Variants in DGLUCY observed in about 807,000 individuals in gnomAD.
DGLUCY encodes D-glutamate cyclase.
In DGLUCY, 58 loss-of-function variants were observed where a neutral mutation model predicts 58.5. That is an observed-to-expected ratio of 0.99 (90% CI 0.80 to 1.23). The LOEUF (loss-of-function observed/expected upper bound fraction) is 1.23. Among genes scored for constraint, DGLUCY ranks in the 50% most tolerant of loss-of-function variants. DGLUCY has a pLI of 0.00. For synonymous variants in DGLUCY, 325 were observed against 314.1 expected (o/e 1.03, Z -0.37); for missense variants, 779 against 784.7 (o/e 0.99, Z 0.09).
At chr14:91,075,054 A>G (rs1300202826) in intron 1 of DGLUCY, among the ~76,000 whole-genome samples, 1 of 151,176 alleles carries the variant, frequency 6.6e-6, no homozygotes, top group Non-Finnish European at 1.5e-5. Context: ...CGTGGGCAAC[A>G]AGAGAGAAAC....
At chr14:91,089,543 C>T (rs965058466) in intron 1 of DGLUCY, among the ~76,000 whole-genome samples, 2 of 152,070 alleles carry the variant, frequency 1.3e-5, no homozygotes, top group African/African-American at 4.8e-5. Context: ...AAGGGGTGGC[C>T]GGGCACAGTA....
intron 1 of DGLUCY, among the ~76,000 whole-genome samples, chr14:91,090,096 C>T (rs1182607203): frequency 6.6e-6 from 1 of 152,152 alleles, no homozygotes; most frequent in Non-Finnish European, 1.5e-5. Context: ...ATCTGGCTGG[C>T]GGCTGCAGAA....
chr14:91,119,596 A>C (rs556364567), intron 1 of DGLUCY, among the ~76,000 whole-genome samples: 1 of 151,970 alleles, frequency 6.6e-6, no homozygotes, highest in South Asian at 2.1e-4. Context: ...TCTGTGTTCC[A>C]CCCACAGCCC....
chr14:91,094,246 C>A (rs2044357555), intron 1 of DGLUCY, among the ~76,000 whole-genome samples: 1 of 151,682 alleles, frequency 6.6e-6, no homozygotes, highest in East Asian at 1.9e-4. Context: ...ACCAGCCTAG[C>A]CAATATGGTG....
chr14:91,208,081 G>T (rs1885064277), intron 12 of DGLUCY, among the ~76,000 whole-genome samples: 1 of 152,140 alleles, frequency 6.6e-6, no homozygotes, highest in Non-Finnish European at 1.5e-5. Context: ...ACTATTTAAA[G>T]TATTGAGAGG....
intron 1 of DGLUCY, among the ~76,000 whole-genome samples, chr14:91,134,791 C>T (rs1280138829): frequency 1.3e-5 from 2 of 152,224 alleles, no homozygotes; most frequent in East Asian, 3.9e-4. Flanking sequence ...TTGACTTTTA[C>T]ATATTGATTT....
At chr14:91,170,869 A>T (rs894634782) in intron 5 of DGLUCY, among the ~76,000 whole-genome samples, 1 of 152,168 alleles carries the variant, frequency 6.6e-6, no homozygotes, top group African/African-American at 2.4e-5. Context: ...TTCTTTATTT[A>T]TGGAGGACTT....
At chr14:91,117,126 G>T (rs2045015223) in intron 1 of DGLUCY, among the ~76,000 whole-genome samples, 1 of 152,182 alleles carries the variant, frequency 6.6e-6, no homozygotes, top group Non-Finnish European at 1.5e-5. Flanking sequence ...ACAAAATAAG[G>T]TAATTTCCAG....
At chr14:91,139,556 G>A (rs1406630722) in intron 1 of DGLUCY, among the ~76,000 whole-genome samples, 1 of 152,150 alleles carries the variant, frequency 6.6e-6, no homozygotes, top group African/African-American at 2.4e-5. Context: ...GTGGTGGCTT[G>A]TGCCTATAAT....
intron 1 of DGLUCY, among the ~76,000 whole-genome samples, chr14:91,083,841 A>T (rs943826503): frequency 6.6e-6 from 1 of 151,978 alleles, no homozygotes; most frequent in Non-Finnish European, 1.5e-5. Context: ...AGTCACTTTC[A>T]TGGCCCCCAA....
At chr14:91,123,738 C>T (rs562500703) in intron 1 of DGLUCY, among the ~76,000 whole-genome samples, 42 of 152,082 alleles carry the variant, frequency 2.8e-4, no homozygotes, top group South Asian at 8.3e-4. Context: ...AGGTGTGCAC[C>T]GCCACAGCCA....
At chr14:91,075,740 AG>A (rs1224180683) in intron 1 of DGLUCY, among the ~76,000 whole-genome samples, 1 of 146,228 alleles carries the variant, frequency 6.8e-6, no homozygotes, top group Non-Finnish European at 1.5e-5. Flanking sequence ...AATCAGCACT[AG>A]CCCGGGTGGT....
intron 1 of DGLUCY, among the ~76,000 whole-genome samples, chr14:91,120,677 C>T (rs2045302467): frequency 6.6e-6 from 1 of 152,202 alleles, no homozygotes. Context: ...TCCCAAAGTG[C>T]TGGGATTACA....
At position 91,060,341 on chromosome 14, in the gene DGLUCY, G is replaced by A. The variant is rs752203024; in HGVS notation, c.-445G>A. The A allele has an allele frequency of 2.8e-6, 4 of 1,414,460 alleles. No individual in the cohort carries two copies. In the Admixed American group the frequency reaches 7.2e-5, roughly 26 times the overall value. 87.6% of individuals were successfully genotyped at this position (1,414,460 alleles called of 1,614,324 possible). On this transcript the variant is annotated 5_prime_UTR_variant, in exon 1 of 5. Transcript: ENST00000521334. ...GGGCGGGGTCGCTCACCAGTCCGCAGCTCGTGCTTGACAGTGAGGAGCTGC... is the reference window on the plus strand; with the variant it reads ...GGGCGGGGTCGCTCACCAGTCCGCAACTCGTGCTTGACAGTGAGGAGCTGC...
intron 8 of DGLUCY, among the ~76,000 whole-genome samples, chr14:91,182,874 T>A: frequency 6.6e-6 from 1 of 152,010 alleles, no homozygotes; most frequent in East Asian, 1.9e-4. Flanking sequence ...TGGGATCCCC[T>A]AGGGGACCTG....
chr14:91,185,271 A>ATTTTTT (rs35639010), intron 8 of DGLUCY, among the ~76,000 whole-genome samples: 2,779 of 38,458 alleles, frequency 0.072, 409 homozygotes, highest in Non-Finnish European at 0.1. Context: ...GCCCAGCCGG[A>ATTTTTT]TTTTTTTTTT....
intron 8 of DGLUCY, among the ~76,000 whole-genome samples, chr14:91,184,745 A>G (rs1215249881): frequency 2.0e-5 from 3 of 152,124 alleles, no homozygotes; most frequent in Non-Finnish European, 2.9e-5. Flanking sequence ...TGACAGGGGC[A>G]TCTGTAGTAA....
At chr14:91,171,799 C>T (rs964134577) in intron 5 of DGLUCY, among the ~76,000 whole-genome samples, 5 of 152,212 alleles carry the variant, frequency 3.3e-5, no homozygotes, top group Non-Finnish European at 5.9e-5. Flanking sequence ...AACCGGGCAA[C>T]ATCTGTTAAG....
At chr14:91,164,705 C>G (rs1162805894) in intron 3 of DGLUCY, among the ~76,000 whole-genome samples, 1 of 152,190 alleles carries the variant, frequency 6.6e-6, no homozygotes, top group Non-Finnish European at 1.5e-5. Context: ...CTCTCTGTCT[C>G]TGTTTGGAAC....
Sources: allele counts gnomAD v4.1 joint callset (sites outside exome capture counted in the v4.1 genomes callset), GRCh38; gene constraint gnomAD v4.1.1; transcripts MANE v1.5; gene names NCBI Gene and HGNC (gene_info 2026-07-23, HGNC 2026-07-21).